The following KCTD1 variants were observed in gnomAD, a reference collection of about 807,000 sequenced individuals.
KCTD1 encodes the protein BTB/POZ domain-containing protein KCTD1.
In KCTD1, 24 loss-of-function variants were observed where a neutral mutation model predicts 66.0. That is an observed-to-expected ratio of 0.36 (90% confidence interval 0.26 to 0.51). KCTD1 has a LOEUF of 0.51. KCTD1 is among the 20% of genes least tolerant of loss of function. The pLI, the probability that KCTD1 is intolerant of heterozygous loss-of-function variation, is 0.95. For missense variants in KCTD1, 943 were observed against 1,205.2 expected, an observed-to-expected ratio of 0.78 and a Z score of 3.22; for synonymous variants, 511 against 517.2, an observed-to-expected ratio of 0.99 and a Z score of 0.16.
At chr18:26,511,330 G>A (rs770100365) in intron 1 of KCTD1, among the ~76,000 whole-genome samples, 1 of 152,226 alleles carries the variant, frequency 6.6e-6, no homozygotes, top group Non-Finnish European at 1.5e-5. Flanking sequence ...ATTTGATCCT[G>A]AAAGACAGGG....
chr18:26,584,831 C>T (rs1262984911), intron 1 of KCTD1, among the ~76,000 whole-genome samples: 1 of 152,016 alleles, frequency 6.6e-6, no homozygotes, highest in Non-Finnish European at 1.5e-5. Flanking sequence ...AGGAGTTAAC[C>T]AGATCAGGAG....
chr18:26,618,739 A>G (rs1284928789), intron 1 of KCTD1, among the ~76,000 whole-genome samples: 2 of 152,236 alleles, frequency 1.3e-5, no homozygotes, highest in Admixed American at 6.5e-5. Flanking sequence ...TACTTGAAAA[A>G]TTCAACTGTT....
At chr18:26,469,268 G>C (rs1440650321) in intron 3 of KCTD1, among the ~76,000 whole-genome samples, 4 of 151,794 alleles carry the variant, frequency 2.6e-5, no homozygotes, top group South Asian at 2.1e-4. Flanking sequence ...AGGTCTTTAA[G>C]AGCTCTGGAA....
At chr18:26,540,304 C>T (rs1984915312) in intron 1 of KCTD1, among the ~76,000 whole-genome samples, 1 of 152,228 alleles carries the variant, frequency 6.6e-6, no homozygotes, top group Admixed American at 6.5e-5. Flanking sequence ...GCCTAGAGGC[C>T]TAGCACCTAA....
upstream of KCTD1, among the ~76,000 whole-genome samples, chr18:26,643,302 T>C (rs1987865932): frequency 6.6e-6 from 1 of 152,158 alleles, no homozygotes; most frequent in Non-Finnish European, 1.5e-5. Flanking sequence ...GTAATTACTC[T>C]TAATTATGTC....
In KCTD1 at chr18:26,626,492, T is replaced by C. The variant is rs1170277195; in HGVS notation, c.-16+2655A>G. 3.7e-5 allele frequency among the ~76,000 whole-genome samples: 3 copies of C among 80,044 alleles called. No individual in the cohort carries two copies. The East Asian group carries it at 1.0e-3, about 28-fold the overall frequency. The allele number at this position is 80,044 out of a possible 152,430, so 52.5% of individuals were successfully genotyped here. On this transcript the variant is annotated intron_variant, in intron 1 of 4. Transcript: ENST00000317932. ...GTGATTTTTTTTTTTTTTTTTTTTT[T>C]TGAGGCAAGGTCTTGCTCCATCACC...
intron 2 of KCTD1, among the ~76,000 whole-genome samples, chr18:26,479,413 A>AG (rs1981514499): frequency 6.6e-6 from 1 of 152,252 alleles, no homozygotes; most frequent in African/African-American, 2.4e-5. Flanking sequence ...GTGAAACCGC[A>AG]GACCCCCCGC....
intron 1 of KCTD1, among the ~76,000 whole-genome samples, chr18:26,656,394 T>A (rs978765456): frequency 6.7e-6 from 1 of 150,348 alleles, no homozygotes; most frequent in Non-Finnish European, 1.5e-5. Context: ...GGGGAGGAGG[T>A]GGGGAGGAAG....
chr18:26,466,771 T>A (rs1980757504), intron 3 of KCTD1, among the ~76,000 whole-genome samples: 1 of 152,236 alleles, frequency 6.6e-6, no homozygotes, highest in East Asian at 1.9e-4. Flanking sequence ...GCAAACAGCA[T>A]CACTGTGATG....
intron 4 of KCTD1, 118 bp from the exon 5 acceptor site, chr18:26,456,019 C>T (rs1196282051): frequency 1.2e-5 from 11 of 889,826 alleles, no homozygotes; most frequent in Middle Eastern, 3.0e-4. Context: ...ACCCATGTCC[C>T]TGTGAGCTGC....
At chr18:26,625,153 G>C (rs1467870040) in intron 1 of KCTD1, among the ~76,000 whole-genome samples, 1 of 152,216 alleles carries the variant, frequency 6.6e-6, no homozygotes, top group Non-Finnish European at 1.5e-5. Flanking sequence ...ATAGGCAAAA[G>C]GGACTTGCCT....
chr18:26,576,885 A>G (rs1277010920), intron 1 of KCTD1, among the ~76,000 whole-genome samples: 2 of 152,218 alleles, frequency 1.3e-5, no homozygotes, highest in African/African-American at 4.8e-5. Context: ...CAGAAGGTAA[A>G]AAATGAAGAG....
intron 2 of KCTD1, among the ~76,000 whole-genome samples, chr18:26,499,295 C>T (rs759630803): frequency 5.3e-5 from 8 of 152,066 alleles, no homozygotes; most frequent in Non-Finnish European, 7.4e-5. Flanking sequence ...AACAGAGGGT[C>T]GGAAGGAATG....
At chr18:26,634,844 T>A (rs1032322210) in intron 1 of KCTD1, among the ~76,000 whole-genome samples, 34 of 152,164 alleles carry the variant, frequency 2.2e-4, no homozygotes, top group African/African-American at 8.2e-4. Context: ...CAACCATGGA[T>A]CTGAATGCGG....
intron 1 of KCTD1, among the ~76,000 whole-genome samples, chr18:26,539,539 C>T (rs1984872288): frequency 1.3e-5 from 2 of 152,214 alleles, no homozygotes; most frequent in South Asian, 4.1e-4. Context: ...TCCATAGCTA[C>T]AGAACCAGTT....
chr18:26,647,247 G>T (rs960813002), intron 1 of KCTD1, among the ~76,000 whole-genome samples: 2 of 151,666 alleles, frequency 1.3e-5, no homozygotes, highest in African/African-American at 4.8e-5. Flanking sequence ...GGTGGCTCAC[G>T]CCTGTAACCC....
chr18:26,639,771 T>G (rs1255329565), intron 1 of KCTD1, among the ~76,000 whole-genome samples: 1 of 152,162 alleles, frequency 6.6e-6, no homozygotes, highest in Non-Finnish European at 1.5e-5. Flanking sequence ...GATGAGGATA[T>G]GTTCAAACCC....
intron 3 of KCTD1, among the ~76,000 whole-genome samples, chr18:26,475,428 TG>T (rs1164086651): frequency 1.3e-5 from 2 of 152,222 alleles, no homozygotes; most frequent in African/African-American, 4.8e-5. Context: ...TTTACACTTG[TG>T]TGTAGAGATC....
intron 1 of KCTD1, among the ~76,000 whole-genome samples, chr18:26,628,693 A>C (rs566173857): frequency 2.0e-4 from 30 of 152,300 alleles, no homozygotes; most frequent in African/African-American, 7.0e-4. Context: ...CAAAAAAAAT[A>C]TACCTTTAGG....
Sources: gnomAD v4.1 joint callset for allele counts (sites outside exome capture counted in the v4.1 genomes callset) on GRCh38, gnomAD v4.1.1 for gene constraint, MANE v1.5 for transcripts, NCBI Gene and HGNC (gene_info 2026-07-23, HGNC 2026-07-21) for gene names.